DOCK6: variants seen among roughly 807,000 people sequenced by gnomAD.
DOCK6 encodes dedicator of cytokinesis 6.
A neutral mutation model predicts 230.3 loss-of-function variants in DOCK6; 167 were observed. That is an observed-to-expected ratio of 0.73 (90% confidence interval 0.64 to 0.82). DOCK6 has a LOEUF of 0.82. Among genes scored for constraint, DOCK6 ranks in the 40% least tolerant of loss-of-function variants. DOCK6 has a pLI of 0.00. For synonymous variants in DOCK6, 1,148 were observed against 1,185.0 expected (o/e 0.97, Z 0.64); for missense variants, 2,598 against 2,825.8 (o/e 0.92, Z 1.83).
In DOCK6 at chr19:11,243,575, C is replaced by T. The variant is rs1042337226; in HGVS notation, c.1240G>A (p.Asp414Asn). The stretch of plus-strand genomic sequence containing the variant: ...TCCTCACCGCCCTCCGAGTCAGAGT[C>T]CCGGTCCAGCTGCCCAGCGCTGCTC... ...IVSSAGQLDR[D>N]SDSEGERRPA... The change falls in exon 11 of 48, where the codon GAC (aspartate) becomes AAC (asparagine). Residue 414 changes from aspartate to asparagine, a missense_variant. Asp to Asn is a conservative substitution (Grantham distance 23). Transcript: ENST00000294618. The surrounding 1 kb of genome is among the most constrained non-coding windows in gnomAD (Gnocchi z 6.3). The T allele has an allele frequency of 6.1e-5, 98 of 1,606,540 alleles. No individual in the cohort carries two copies. Among genetic ancestry groups the T allele is most frequent in the Non-Finnish European group, 8.2e-5 (96 of 1,177,460 alleles).
At chr19:11,203,027 C>G (rs866188294) in intron 41 of DOCK6, among the ~76,000 whole-genome samples, 1 of 152,112 alleles carries the variant, frequency 6.6e-6, no homozygotes, top group Non-Finnish European at 1.5e-5. Context: ...CTCCTTTGTT[C>G]TAGGGCATTC....
chr19:11,252,801 G>C lies in DOCK6; in HGVS notation c.290C>G (p.Pro97Arg). 6.2e-7 allele frequency: 1 copy of C among 1,611,866 alleles called. No individual in the cohort carries two copies. Among genetic ancestry groups the C allele is most frequent in the Non-Finnish European group, 8.5e-7 (1 of 1,178,710 alleles). ...AACCCACTCATCCTTGGGGATCCCG[G>C]GCTCCGTGGTCCGGCATTCCCGGGG... ...LQPRECRTTE[P>R]GIPKDEKLDA... The change falls in exon 3 of 48, where the codon CCC becomes CGC. Residue 97 changes from proline (P) to arginine (R), a missense_variant. Physicochemically the swap from Pro to Arg is moderately radical, Grantham distance 103 (BLOSUM62 -2). Coordinates refer to ENST00000294618, the MANE Select transcript of DOCK6 (RefSeq NM_020812.4).
Position 11,236,707 on chromosome 19 carries a change from C to A in DOCK6, c.2160+86G>T. ...ACGTCCAAGGCCTGAGGCCAGACCT[C>A]CCCGGCCATCGGCAACTGTTACTCA... On this transcript the variant is annotated intron_variant, in intron 19 of 47. Transcript: ENST00000294618. The surrounding 1 kb of genome is among the most constrained non-coding windows in gnomAD (Gnocchi z 5.2). 6.6e-7 allele frequency: 1 copy of A among 1,524,844 alleles called. No homozygotes were observed. The highest frequency in any genetic ancestry group is 8.9e-7 in the Non-Finnish European group (1 of 1,124,460). The allele number at this position is 1,524,844 out of a possible 1,614,324, so 94.5% of individuals were successfully genotyped here.
chr19:11,262,479 C>CCCG lies in DOCK6; in HGVS notation c.-42_-40dup, dbSNP rs755528452. 84 of 1,098,576 alleles carry CCCG rather than the reference C, an allele frequency of 7.6e-5. No individual in the cohort carries two copies. The highest frequency in any genetic ancestry group is 1.7e-4 in the South Asian group (4 of 23,134). 68.1% of individuals were successfully genotyped at this position (1,098,576 alleles called of 1,614,324 possible). On this transcript the variant is annotated 5_prime_UTR_variant, in exon 1 of 48. Transcript: ENST00000294618. ...CGCCGCCGCCGCCCCGGGCCCCGGC[C>CCCG]CCGCCGCCGCCGCCGCCTCCCGGTT... is the stretch of plus-strand genomic sequence containing the variant.
intron 20 of DOCK6, 70 bp from the exon 21 acceptor site, chr19:11,235,829 T>C: frequency 6.0e-6 from 9 of 1,500,116 alleles, no homozygotes; most frequent in South Asian, 1.2e-5. Flanking sequence ...TTTCCAAATA[T>C]AAAGACATCA....
rs545584008 is a variant in DOCK6, at chr19:11,242,191, G to A, written c.1497C>T (p.Asp499=). 3 of 1,465,312 alleles carry A rather than the reference G, an allele frequency of 2.0e-6. No individual in the cohort carries two copies. The highest frequency in any genetic ancestry group is 1.8e-6 in the Non-Finnish European group (2 of 1,110,758). The allele number at this position is 1,465,312 out of a possible 1,614,324, so 90.8% of individuals were successfully genotyped here. A position where few individuals can be genotyped will look rare whatever the true frequency, so the allele number is the denominator to read the frequency against. ...LRPVTAQLKI[D]ISPAPENPHF... ...GGGGATTTTCAGGAGCCGGAGAAAT[G>A]TCGATCTTGAGCTGGGCTGGGAAGG... Residue 499 remains aspartate, a synonymous_variant, in exon 14 of 48, where the codon GAC becomes GAT. Coordinates refer to ENST00000294618, the MANE Select transcript of DOCK6 (RefSeq NM_020812.4).
rs772307854 is a variant in DOCK6 at position 11,222,918 on chromosome 19, G to A, written c.3070-13C>T. On this transcript the variant is annotated splice_polypyrimidine_tract_variant and intron_variant, in intron 25 of 47. Transcript: ENST00000294618. The surrounding 1 kb of genome is among the most constrained non-coding windows in gnomAD (Gnocchi z 4.0). ...GCCGCGTGGCCACCTGCAGGAGAGGGGTGGCCATCAGTGATGTCAACATTG... is the reference window on the plus strand; with the variant it reads ...GCCGCGTGGCCACCTGCAGGAGAGGAGTGGCCATCAGTGATGTCAACATTG... 2.5e-6 allele frequency: 4 copies of A among 1,611,550 alleles called. No homozygotes were observed. The highest frequency in any genetic ancestry group is 2.2e-5 in the South Asian group (2 of 90,800).
At chr19:11,258,763 CTCTT>C (rs1013220693) in intron 1 of DOCK6, among the ~76,000 whole-genome samples, 18 of 147,184 alleles carry the variant, frequency 1.2e-4, no homozygotes, top group Non-Finnish European at 2.4e-4. Flanking sequence ...TTCTTTCTCT[CTCTT>C]TTTTTTTTCT....
intron 31 of DOCK6, 57 bp from the exon 32 acceptor site, chr19:11,215,528 A>T: frequency 6.6e-7 from 1 of 1,508,560 alleles, no homozygotes; most frequent in Non-Finnish European, 9.1e-7. Flanking sequence ...ACACGTGAAC[A>T]TCAGGAGAAA....
intron 28 of DOCK6, among the ~76,000 whole-genome samples, chr19:11,219,244 C>T (rs1408497656): frequency 4.6e-5 from 6 of 130,510 alleles, no homozygotes; most frequent in Admixed American, 2.6e-4. Flanking sequence ...AGTGCAGTGA[C>T]GCGATCTCGG....
intron 34 of DOCK6, among the ~76,000 whole-genome samples, chr19:11,213,635 C>T (rs1196889304): frequency 6.5e-5 from 9 of 138,186 alleles, no homozygotes; most frequent in Middle Eastern, 3.7e-3. Flanking sequence ...TTTTTTGAGA[C>T]GGAGTTTTGC....
chr19:11,248,482 C>T (rs1246678223), intron 6 of DOCK6, among the ~76,000 whole-genome samples: 1 of 151,604 alleles, frequency 6.6e-6, no homozygotes, highest in East Asian at 1.9e-4. Context: ...GTGATCTTGG[C>T]TCACTGCAAC....
At chr19:11,225,183 G>A (rs566805255) in intron 24 of DOCK6, among the ~76,000 whole-genome samples, 9 of 152,218 alleles carry the variant, frequency 5.9e-5, no homozygotes, top group Admixed American at 3.3e-4. Context: ...AGCCGAGATC[G>A]TGCCATTGCA....
intron 24 of DOCK6, among the ~76,000 whole-genome samples, chr19:11,226,799 T>C (rs1451309012): frequency 2.6e-5 from 4 of 152,214 alleles, no homozygotes; most frequent in African/African-American, 9.7e-5. Context: ...GAATTGGTAA[T>C]CCAGGGCCTG....
At chr19:11,223,691 G>C (rs534669621) in intron 24 of DOCK6, among the ~76,000 whole-genome samples, 2 of 152,052 alleles carry the variant, frequency 1.3e-5, no homozygotes, top group Non-Finnish European at 2.9e-5. Flanking sequence ...CTGTCACTAA[G>C]GCTGGAGTAC....
intron 22 of DOCK6, among the ~76,000 whole-genome samples, chr19:11,231,097 C>G (rs2079758668): frequency 6.6e-6 from 1 of 152,188 alleles, no homozygotes; most frequent in African/African-American, 2.4e-5. Context: ...AAGGCCCCCC[C>G]TGCTTGTTCT....
chr19:11,260,677 G>A (rs1478416414), intron 1 of DOCK6, among the ~76,000 whole-genome samples: 12 of 151,374 alleles, frequency 7.9e-5, no homozygotes, highest in Admixed American at 5.9e-4. Context: ...GAGGTCAGGA[G>A]TTCGTGACCA....
At chr19:11,215,983 T>G in intron 30 of DOCK6, 56 bp from the exon 31 acceptor site, 1 of 1,603,912 alleles carries the variant, frequency 6.2e-7, no homozygotes, top group Non-Finnish European at 8.5e-7. Context: ...CGGGGGGACC[T>G]GGGCTGGCCC....
At chr19:11,250,514 C>A (rs912601087) in intron 6 of DOCK6, among the ~76,000 whole-genome samples, 4 of 151,634 alleles carry the variant, frequency 2.6e-5, no homozygotes, top group African/African-American at 9.7e-5. Flanking sequence ...GGGGTTTCAC[C>A]ATGTTGGCTG....
Sources: gnomAD v4.1 joint callset for allele counts (sites outside exome capture counted in the v4.1 genomes callset) on GRCh38, gnomAD v4.1.1 for gene constraint, Gnocchi (gnomAD v3.1) non-coding constraint, MANE v1.5 for transcripts, NCBI Gene and HGNC (gene_info 2026-07-23, HGNC 2026-07-21) for gene names.